The following FKBP15 variants were observed in gnomAD, a reference collection of about 807,000 sequenced individuals.
The protein encoded by FKBP15 is FKBP prolyl isomerase family member 15, also known as FK506-binding protein 15.
FKBP15 carries 106 observed loss-of-function variants against 158.1 expected under a neutral mutation model. The observed-to-expected ratio is 0.67, with a 90% CI of 0.57 to 0.79. The LOEUF (loss-of-function observed/expected upper bound fraction) is 0.79. FKBP15 is among the 30% of genes least tolerant of loss of function. FKBP15 has a pLI of 0.00. For missense variants in FKBP15, 1,287 were observed against 1,479.1 expected, an observed-to-expected ratio of 0.87 and a Z score of 2.13; for synonymous variants, 547 against 548.6, an observed-to-expected ratio of 1.00 and a Z score of 0.04.
chr9:113,217,263 A>C (rs1831158498), intron 1 of FKBP15, among the ~76,000 whole-genome samples: 1 of 132,256 alleles, frequency 7.6e-6, no homozygotes, highest in African/African-American at 3.0e-5. Flanking sequence ...CCCAGGCTGG[A>C]GTGCAGTGGC....
intron 3 of FKBP15, 59 bp downstream of exon 3, chr9:113,207,153 T>C: frequency 7.4e-7 from 1 of 1,349,250 alleles, no homozygotes; most frequent in Non-Finnish European, 1.0e-6. Context: ...CGAGAAAAAG[T>C]AGCTTAACTG....
In FKBP15 at chr9:113,164,946, A is replaced by AGGGG. The variant is rs1447914747; in HGVS notation, c.*1131_*1132insCCCC. ...GTCCGCACACGGGAGACATATCCAA[A>AGGGG]GCCTGCAAGGATGATGCCAGGCCAG... On this transcript the variant is annotated 3_prime_UTR_variant, in exon 28 of 28. Transcript: ENST00000238256. 3 of 152,218 alleles carry AGGGG rather than the reference A, an allele frequency of 2.0e-5. No homozygotes were observed. The highest frequency in any genetic ancestry group is 7.2e-5 in the African/African-American group (3 of 41,440). 9.4% of individuals were successfully genotyped at this position (152,218 alleles called of 1,614,324 possible).
intron 1 of FKBP15, 73 bp downstream of exon 1, chr9:113,221,118 G>A (rs1831245227): frequency 6.8e-7 from 1 of 1,479,310 alleles, no homozygotes; most frequent in Admixed American, 2.0e-5. Flanking sequence ...CCTGAGAAGA[G>A]ATCGACCCCC....
At chr9:113,215,371 T>TA (rs59050609) in intron 1 of FKBP15, among the ~76,000 whole-genome samples, 22,128 of 134,984 alleles carry the variant, frequency 0.16, 1,813 homozygotes, top group East Asian at 0.35. Context: ...CAAGAAGAGA[T>TA]AAAAAAAAAA....
chr9:113,169,136 G>A, intron 26 of FKBP15, 88 bp downstream of exon 26: 1 of 1,467,436 alleles, frequency 6.8e-7, no homozygotes. Context: ...ATTAGTCTCT[G>A]AGGGATGAGT....
intron 10 of FKBP15, 94 bp from the exon 11 acceptor site, chr9:113,193,643 T>C: frequency 2.9e-6 from 3 of 1,031,240 alleles, no homozygotes; most frequent in Non-Finnish European, 4.4e-6. Flanking sequence ...TTTTTAAATG[T>C]GTGCCAATTT....
intron 4 of FKBP15, among the ~76,000 whole-genome samples, chr9:113,204,687 A>G (rs1467338483): frequency 2.6e-5 from 4 of 152,080 alleles, no homozygotes; most frequent in Non-Finnish European, 4.4e-5. Context: ...TTCAGTCTGA[A>G]TATTTTCTAT....
intron 7 of FKBP15, 100 bp downstream of exon 7, chr9:113,199,714 A>G (rs1428520709): frequency 1.6e-6 from 2 of 1,258,502 alleles, no homozygotes; most frequent in Admixed American, 2.9e-5. Context: ...AAATATTTCT[A>G]TTTGACAACA....
At chr9:113,190,421 A>T (rs112988215) in intron 12 of FKBP15, 50 bp downstream of exon 12, 1 of 1,390,502 alleles carries the variant, frequency 7.2e-7, no homozygotes, top group African/African-American at 1.4e-5. Context: ...GAAAAGAAAG[A>T]TGATGGCGAC....
At chr9:113,176,203 CCTT>C (rs1830297167) in intron 21 of FKBP15, among the ~76,000 whole-genome samples, 1 of 152,136 alleles carries the variant, frequency 6.6e-6, no homozygotes, top group Non-Finnish European at 1.5e-5. Context: ...AGAAAGATCT[CCTT>C]CTTATGTAGT....
chr9:113,202,483 T>C lies in FKBP15; in HGVS notation c.498+48A>G, dbSNP rs1449285304. ...TATGTTTCCCTAAAATTAAGGGAAA[T>C]CCAAACAAGTATTTTGGCTTTTCAC... On this transcript the variant is annotated intron_variant, in intron 6 of 27. Coordinates refer to ENST00000238256, the MANE Select transcript of FKBP15 (RefSeq NM_015258.2). 5.9e-6 allele frequency: 8 copies of C among 1,356,352 alleles called. No individual in the cohort carries two copies. The South Asian group carries it at 9.0e-5, about 15-fold the overall frequency. The allele number at this position is 1,356,352 out of a possible 1,614,324, so 84.0% of individuals were successfully genotyped here. A position where few individuals can be genotyped will look rare whatever the true frequency, so the allele number is the denominator to read the frequency against.
intron 2 of FKBP15, among the ~76,000 whole-genome samples, chr9:113,208,324 G>A (rs1019708238): frequency 1.3e-5 from 2 of 152,032 alleles, no homozygotes; most frequent in African/African-American, 4.8e-5. Context: ...GTGATGGAAT[G>A]AGACTCCGTC....
chr9:113,185,596 T>C (rs931159219), intron 15 of FKBP15, among the ~76,000 whole-genome samples: 16 of 152,224 alleles, frequency 1.1e-4, no homozygotes, highest in Admixed American at 9.8e-4. Context: ...GATTCCATCA[T>C]AGCAGTTTAC....
chr9:113,183,585 T>C (rs191622442), intron 18 of FKBP15, among the ~76,000 whole-genome samples, 166 bp downstream of exon 18: 2 of 152,326 alleles, frequency 1.3e-5, no homozygotes, highest in African/African-American at 4.8e-5. Context: ...AAGCTCCTTC[T>C]ACTGCAATGC....
rs771899339 is a variant in FKBP15 at position 113,174,380 on chromosome 9, T to A, written c.2379+48A>T. On this transcript the variant is annotated intron_variant, in intron 22 of 27. Coordinates refer to ENST00000238256, the MANE Select transcript of FKBP15 (RefSeq NM_015258.2). Reference sequence around the variant, plus strand: ...GAAACCAGAAGCTTTTCTCTCTGAGTCCTTCACACCTTCCCTCTATTTTCA... The same window carrying A: ...GAAACCAGAAGCTTTTCTCTCTGAGACCTTCACACCTTCCCTCTATTTTCA... 20 of 1,583,608 alleles carry A rather than the reference T, an allele frequency of 1.3e-5. No homozygotes were observed. In the African/African-American group the frequency reaches 2.7e-4, roughly 22 times the overall value.
chr9:113,215,239 T>C (rs1831095531), intron 1 of FKBP15, among the ~76,000 whole-genome samples: 1 of 152,180 alleles, frequency 6.6e-6, no homozygotes. Flanking sequence ...AGCTTAATCA[T>C]TTCTACTTTT....
rs10817454 is a variant in FKBP15, at chr9:113,184,220, A to G, written c.1716+72T>C. On this transcript the variant is annotated intron_variant, in intron 17 of 27. Coordinates refer to ENST00000238256, the MANE Select transcript of FKBP15 (RefSeq NM_015258.2). This position sits in a 1 kb window ranked among gnomAD's most constrained non-coding sequence, Gnocchi z 4.5. The stretch of plus-strand genomic sequence containing the variant: ...GCTATTTCTGGGGTGGAGGTGTTAA[A>G]GAGTAGTACCTCTGAGAAGAGAGGA... 0.32 allele frequency: 330,117 copies of G among 1,038,586 alleles called. 53,834 individuals carry two copies. The highest frequency in any genetic ancestry group is 0.4 in the Middle Eastern group (1,935 of 4,878). The allele number at this position is 1,038,586 out of a possible 1,614,324, so 64.3% of individuals were successfully genotyped here.
rs1195323453 is a variant in FKBP15, at chr9:113,174,582, T to A, written c.2225A>T (p.Asn742Ile). Residue 742 changes from asparagine (N) to isoleucine (I), a missense_variant and splice_region_variant, in exon 22 of 28, where the codon AAC becomes ATC. By Grantham distance (149) the Asn-to-Ile change is moderately radical. Transcript: ENST00000238256. ...TGACTTCTTTTTCCTTTCTGAGAGGTTCTTAGGAACAAGAGAACCATCATC... is the reference window on the plus strand; with the variant it reads ...TGACTTCTTTTTCCTTTCTGAGAGGATCTTAGGAACAAGAGAACCATCATC... ...LRVEKESLEK[N>I]LSERKKKSAQ... The A allele has an allele frequency of 3.1e-6, 5 of 1,613,668 alleles. No individual in the cohort carries two copies. Among genetic ancestry groups the A allele is most frequent in the African/African-American group, 2.7e-5 (2 of 75,032 alleles).
chr9:113,175,099 A>G (rs200597516), intron 21 of FKBP15, among the ~76,000 whole-genome samples: 1 of 4,836 alleles, frequency 2.1e-4, no homozygotes. Context: ...AAAAAAAAAA[A>G]AAGAGCTAGG....
Sources: allele counts gnomAD v4.1 joint callset (sites outside exome capture counted in the v4.1 genomes callset), GRCh38; gene constraint gnomAD v4.1.1; non-coding constraint Gnocchi (gnomAD v3.1); transcripts MANE v1.5; gene names NCBI Gene and HGNC (gene_info 2026-07-23, HGNC 2026-07-21).